Variants in BBX observed in about 807,000 individuals in gnomAD.
BBX encodes HMG box transcription factor BBX.
A neutral mutation model predicts 100.2 loss-of-function variants in BBX; 30 were observed. The observed-to-expected ratio is 0.30, with a 90% CI of 0.22 to 0.41. The LOEUF (loss-of-function observed/expected upper bound fraction) is 0.41. Among genes scored for constraint, BBX ranks in the 10% least tolerant of loss-of-function variants. The probability of loss-of-function intolerance (pLI) is 1.00; values close to 1 mark genes in which losing one functional copy is unlikely to be tolerated. For missense variants in BBX, 1,023 were observed against 1,129.8 expected (o/e 0.91, Z 1.35); for synonymous variants, 376 against 388.1 (o/e 0.97, Z 0.37).
At chr3:107,771,197 G>A (rs575912171) in intron 10 of BBX, among the ~76,000 whole-genome samples, 1 of 152,172 alleles carries the variant, frequency 6.6e-6, no homozygotes, top group African/African-American at 2.4e-5. Flanking sequence ...ATTGATTTTT[G>A]TATCATTAGT....
chr3:107,611,311 G>A (rs1375418747), intron 2 of BBX, among the ~76,000 whole-genome samples: 2 of 152,056 alleles, frequency 1.3e-5, no homozygotes, highest in Admixed American at 1.3e-4. Context: ...GTGTTTTTCT[G>A]TGTACTATCA....
intron 13 of BBX, among the ~76,000 whole-genome samples, chr3:107,780,967 T>C (rs1317390155): frequency 6.6e-6 from 1 of 152,034 alleles, no homozygotes; most frequent in Admixed American, 6.6e-5. Flanking sequence ...TTTCCTCTGA[T>C]AATTTGCCAT....
chr3:107,593,180 A>T (rs1187822693), intron 2 of BBX, among the ~76,000 whole-genome samples: 1 of 152,222 alleles, frequency 6.6e-6, no homozygotes, highest in Non-Finnish European at 1.5e-5. Flanking sequence ...ACCTTGTGCT[A>T]GGCACTTTGC....
chr3:107,551,861 TTATTTGTATTCTTCAC>T (rs2049709932), intron 2 of BBX, among the ~76,000 whole-genome samples: 1 of 152,192 alleles, frequency 6.6e-6, no homozygotes. Flanking sequence ...AAAATTCAGA[TTATTTGTATTCTTCAC>T]AAGTTCCAGA....
At chr3:107,765,729 T>A (rs955356670) in intron 10 of BBX, among the ~76,000 whole-genome samples, 2 of 152,190 alleles carry the variant, frequency 1.3e-5, no homozygotes, top group African/African-American at 4.8e-5. Context: ...TGTCCCCTGC[T>A]TCCACCTGGG....
chr3:107,571,224 A>G (rs1218102312), intron 2 of BBX, among the ~76,000 whole-genome samples: 2 of 152,056 alleles, frequency 1.3e-5, no homozygotes, highest in Non-Finnish European at 2.9e-5. Context: ...CCTGGGACGC[A>G]ATGTGGGTGA....
chr3:107,638,048 G>A lies in BBX; in HGVS notation c.-83-7788G>A, dbSNP rs192351739. Among the ~76,000 whole-genome samples the A allele has an allele frequency of 4.6e-5, 7 of 152,038 alleles. 1 individual carries two copies. The highest frequency in any genetic ancestry group is 3.9e-4 in the Admixed American group (6 of 15,270). On this transcript the variant is annotated intron_variant, in intron 2 of 17. Transcript: ENST00000325805. ...CCCACCTCAGCCTTCCAAGTAACTGGTACTAACTACAGGCACAAACTACCA... is the reference window on the plus strand; with the variant it reads ...CCCACCTCAGCCTTCCAAGTAACTGATACTAACTACAGGCACAAACTACCA...
intron 1 of BBX, among the ~76,000 whole-genome samples, chr3:107,526,088 T>C (rs1434081372): frequency 6.6e-6 from 1 of 152,164 alleles, no homozygotes; most frequent in Non-Finnish European, 1.5e-5. Context: ...GTACGGGAGA[T>C]ACCCTAGAAT....
At chr3:107,789,948 C>A in intron 14 of BBX, 72 bp downstream of exon 14, 1 of 1,201,858 alleles carries the variant, frequency 8.3e-7, no homozygotes, top group South Asian at 1.5e-5. Flanking sequence ...GAGTAATGCT[C>A]CCATGCACTG....
chr3:107,677,800 G>C (rs994153688), intron 3 of BBX, among the ~76,000 whole-genome samples: 5 of 152,116 alleles, frequency 3.3e-5, no homozygotes, highest in Admixed American at 3.3e-4. Flanking sequence ...TTATTCTTAA[G>C]TGCATACAAA....
At chr3:107,665,406 G>A (rs960882413) in intron 3 of BBX, among the ~76,000 whole-genome samples, 1 of 151,886 alleles carries the variant, frequency 6.6e-6, no homozygotes, top group African/African-American at 2.4e-5. Context: ...TCCTTTTGAC[G>A]CCACAATTTT....
At chr3:107,767,457 A>G (rs1337485298) in intron 10 of BBX, among the ~76,000 whole-genome samples, 2 of 152,216 alleles carry the variant, frequency 1.3e-5, no homozygotes, top group Admixed American at 6.5e-5. Flanking sequence ...AACAACAGAA[A>G]AAACAGATTG....
chr3:107,779,002 T>TAC (rs1156741106), intron 13 of BBX, among the ~76,000 whole-genome samples: 16 of 69,874 alleles, frequency 2.3e-4, no homozygotes, highest in Non-Finnish European at 5.4e-4. Flanking sequence ...AACATATATA[T>TAC]ATATATATAT....
At chr3:107,535,009 CACA>C (rs1219164396) in intron 2 of BBX, among the ~76,000 whole-genome samples, 1 of 152,100 alleles carries the variant, frequency 6.6e-6, no homozygotes, top group African/African-American at 2.4e-5. Flanking sequence ...CTTTATTTTT[CACA>C]ACAACTTTCT....
At chr3:107,564,211 T>C (rs1437624967) in intron 2 of BBX, among the ~76,000 whole-genome samples, 1 of 152,232 alleles carries the variant, frequency 6.6e-6, no homozygotes, top group Non-Finnish European at 1.5e-5. Context: ...CATTTCACTA[T>C]TGGGCTCTCC....
At chr3:107,711,498 T>G (rs1008784579) in intron 4 of BBX, 1 of 346,474 alleles carries the variant, frequency 2.9e-6, no homozygotes. Context: ...TTGGCTTTCA[T>G]CAGGAATTAA....
At chr3:107,802,542 A>G (rs536003177) in intron 17 of BBX, among the ~76,000 whole-genome samples, 1 of 152,372 alleles carries the variant, frequency 6.6e-6, no homozygotes, top group African/African-American at 2.4e-5. Flanking sequence ...AACTTAAAAT[A>G]TCTGCCTGAA....
At chr3:107,744,107 G>A (rs562257452) in intron 7 of BBX, among the ~76,000 whole-genome samples, 1 of 151,828 alleles carries the variant, frequency 6.6e-6, no homozygotes, top group South Asian at 2.1e-4. Flanking sequence ...ACTGAATTGG[G>A]GTTAAGAGAA....
chr3:107,789,669 T>C (rs1223714506), intron 13 of BBX, 118 bp from the exon 14 acceptor site: 2 of 684,536 alleles, frequency 2.9e-6, no homozygotes, highest in East Asian at 2.9e-5. Context: ...ATGACATTTA[T>C]TGAGATTCAA....
Sources: allele counts gnomAD v4.1 joint callset (sites outside exome capture counted in the v4.1 genomes callset), GRCh38; gene constraint gnomAD v4.1.1; transcripts MANE v1.5; gene names NCBI Gene and HGNC (gene_info 2026-07-23, HGNC 2026-07-21).